Variants in CRB1 observed in about 807,000 individuals in gnomAD.
The protein encoded by CRB1 is crumbs cell polarity complex component 1, also known as protein crumbs homolog 1.
Under a neutral mutation model 120.0 loss-of-function variants are expected in CRB1, and 83 were observed. The observed-to-expected ratio is 0.69, with a 90% CI of 0.58 to 0.83. CRB1 has a LOEUF of 0.83. Among genes scored for constraint, CRB1 ranks in the 40% least tolerant of loss-of-function variants. The pLI is 0.00. For missense variants in CRB1, 1,699 were observed against 1,687.6 expected, an observed-to-expected ratio of 1.01 and a Z score of -0.12; for synonymous variants, 625 against 612.5, an observed-to-expected ratio of 1.02 and a Z score of -0.30.
At chr1:197,291,558 C>T (rs752877257) in intron 1 of CRB1, among the ~76,000 whole-genome samples, 1 of 151,780 alleles carries the variant, frequency 6.6e-6, no homozygotes, top group Non-Finnish European at 1.5e-5. Flanking sequence ...ATTCATGACA[C>T]TGTTGGATTT....
rs779069205 is a variant in CRB1, at chr1:197,421,881, G to A, written c.2053G>A (p.Gly685Arg). 6.2e-7 allele frequency: 1 copy of A among 1,614,214 alleles called. No individual in the cohort carries two copies. Among genetic ancestry groups the A allele is most frequent in the Non-Finnish European group, 8.5e-7 (1 of 1,180,038 alleles). ...WCESQPCQSR[G>R]RCINLWLSYQ... ...TGAAAGCCAACCTTGTCAAAGCAGAGGACGCTGCATCAACTTGTGGCTGAG... is the reference window on the plus strand; with the variant it reads ...TGAAAGCCAACCTTGTCAAAGCAGAAGACGCTGCATCAACTTGTGGCTGAG... Residue 685 changes from glycine (G) to arginine (R), a missense_variant, in exon 6 of 12, where the codon GGA becomes AGA. Physicochemically the swap from Gly to Arg is moderately radical, Grantham distance 125. Coordinates refer to ENST00000367400, the MANE Select transcript of CRB1 (RefSeq NM_201253.3).
intron 5 of CRB1, chr1:197,364,207 A>T (rs1056973329): frequency 2.4e-6 from 1 of 415,528 alleles, no homozygotes. Flanking sequence ...TTCTGCAATA[A>T]ACTCAGTAAA....
chr1:197,278,484 G>A lies in CRB1; in HGVS notation c.70+10002G>A, dbSNP rs116182485. On this transcript the variant is annotated intron_variant, in intron 1 of 11. Coordinates refer to ENST00000367400, the MANE Select transcript of CRB1 (RefSeq NM_201253.3). ...TCATTTTAGGACACAATCTGCAGGG[G>A]CATTCCCTTTTAGAGAACACTGTTT... is the stretch of plus-strand genomic sequence containing the variant. Among the ~76,000 whole-genome samples, 890 of 152,016 alleles carry A rather than the reference G, an allele frequency of 5.9e-3. 8 individuals carry two copies. Among genetic ancestry groups the A allele is most frequent in the African/African-American group, 0.019 (806 of 41,502 alleles).
intron 4 of CRB1, among the ~76,000 whole-genome samples, chr1:197,353,403 T>C (rs1660219553): frequency 2.6e-5 from 4 of 152,194 alleles, no homozygotes; most frequent in Admixed American, 2.6e-4. Context: ...ATACTATGAT[T>C]TAGTTTACAA....
intron 8 of CRB1, among the ~76,000 whole-genome samples, chr1:197,432,586 A>G (rs932754372): frequency 1.3e-5 from 2 of 152,114 alleles, no homozygotes; most frequent in African/African-American, 4.8e-5. Context: ...CACCTACTAT[A>G]CATCAGGGAC....
chr1:197,465,908 T>TTTATTCTTATTTTATATAAG (rs2125555377), intron 11 of CRB1, among the ~76,000 whole-genome samples: 1 of 152,226 alleles, frequency 6.6e-6, no homozygotes, highest in East Asian at 1.9e-4. Context: ...AAGAATAGAG[T>TTTATTCTTATTTTATATAAG]AAATGGCACA....
intron 1 of CRB1, among the ~76,000 whole-genome samples, chr1:197,287,461 A>T (rs1040554967): frequency 2.0e-5 from 3 of 151,832 alleles, no homozygotes; most frequent in Non-Finnish European, 4.4e-5. Context: ...AGGGACTTGA[A>T]AGAAAAAGAT....
chr1:197,267,367 T>A (rs1354588587), upstream of CRB1, among the ~76,000 whole-genome samples: 3 of 152,086 alleles, frequency 2.0e-5, no homozygotes, highest in Non-Finnish European at 4.4e-5. Context: ...AGAATAATAT[T>A]GATAAAAAAC....
chr1:197,298,913 C>G (rs1483015890), intron 1 of CRB1, among the ~76,000 whole-genome samples: 1 of 151,894 alleles, frequency 6.6e-6, no homozygotes, highest in East Asian at 1.9e-4. Context: ...AAACTTTATA[C>G]TTTACAAAAG....
intron 5 of CRB1, among the ~76,000 whole-genome samples, chr1:197,371,296 G>A (rs1661358174): frequency 2.0e-5 from 3 of 152,102 alleles, no homozygotes; most frequent in Non-Finnish European, 2.9e-5. Flanking sequence ...CAATTTGAAT[G>A]TGGTTGGAGA....
At chr1:197,411,356 A>G (rs1663703930) in intron 5 of CRB1, among the ~76,000 whole-genome samples, 1 of 152,228 alleles carries the variant, frequency 6.6e-6, no homozygotes, top group Non-Finnish European at 1.5e-5. Flanking sequence ...GAGGTAATAC[A>G]GAATAAAGTA....
At chr1:197,399,233 C>G (rs1434702949) in intron 5 of CRB1, among the ~76,000 whole-genome samples, 1 of 152,116 alleles carries the variant, frequency 6.6e-6, no homozygotes, top group African/African-American at 2.4e-5. Flanking sequence ...TTATAACACT[C>G]TAATGAATGT....
At chr1:197,425,393 G>T (rs541168327) in intron 6 of CRB1, among the ~76,000 whole-genome samples, 1 of 152,280 alleles carries the variant, frequency 6.6e-6, no homozygotes, top group Non-Finnish European at 1.5e-5. Flanking sequence ...ACAGTTGATT[G>T]TCTAAGCAAG....
intron 1 of CRB1, among the ~76,000 whole-genome samples, chr1:197,316,510 A>G (rs1436077191): frequency 6.6e-6 from 1 of 152,212 alleles, no homozygotes; most frequent in African/African-American, 2.4e-5. Context: ...CTGTTGGAAT[A>G]TAAGAACCAA....
chr1:197,205,481 C>T, the CRB1 span, among the ~76,000 whole-genome samples: 1 of 152,122 alleles, frequency 6.6e-6, no homozygotes, highest in Non-Finnish European at 1.5e-5. Flanking sequence ...TTGTAAAATG[C>T]ATTTTCTGTG....
chr1:197,397,440 G>A (rs1417456309), intron 5 of CRB1, among the ~76,000 whole-genome samples: 1 of 152,086 alleles, frequency 6.6e-6, no homozygotes, highest in Non-Finnish European at 1.5e-5. Flanking sequence ...AACACACTGA[G>A]CAATCTCACT....
At chr1:197,346,485 A>T (rs979821876) in intron 3 of CRB1, among the ~76,000 whole-genome samples, 2 of 152,186 alleles carry the variant, frequency 1.3e-5, no homozygotes, top group East Asian at 3.8e-4. Flanking sequence ...CTAACAACAC[A>T]TATGAAGATT....
At chr1:197,420,880 A>G (rs1438284518) in intron 5 of CRB1, 120 bp from the exon 6 acceptor site, 4 of 748,170 alleles carry the variant, frequency 5.3e-6, no homozygotes, top group Non-Finnish European at 9.5e-6. Context: ...ATTTTACTCC[A>G]TTACAGTCCT....
At chr1:197,471,328 T>C (rs1034560959) in intron 11 of CRB1, among the ~76,000 whole-genome samples, 4 of 152,212 alleles carry the variant, frequency 2.6e-5, no homozygotes, top group African/African-American at 7.2e-5. Context: ...CAAACCCTGC[T>C]AACTGCAGTC....
Sources: allele counts gnomAD v4.1 joint callset (sites outside exome capture counted in the v4.1 genomes callset), GRCh38; gene constraint gnomAD v4.1.1; transcripts MANE v1.5; gene names NCBI Gene and HGNC (gene_info 2026-07-23, HGNC 2026-07-21).